Variants in GALNT13 observed in about 807,000 individuals in gnomAD.
GALNT13 encodes polypeptide N-acetylgalactosaminyltransferase 13, also known as UDP-GalNAc:polypeptide N-acetylgalactosaminyltransferase 13.
A neutral mutation model predicts 64.2 loss-of-function variants in GALNT13; 28 were observed. That is an observed-to-expected ratio of 0.44 (90% CI 0.32 to 0.60). GALNT13 has a LOEUF of 0.60. Ranked by LOEUF, GALNT13 falls within the 20% of genes least tolerant of loss-of-function variation. The probability of loss-of-function intolerance (pLI) is 0.05; values close to 1 mark genes in which losing one functional copy is unlikely to be tolerated. For missense variants in GALNT13, 577 were observed against 669.8 expected (o/e 0.86, Z 1.53); for synonymous variants, 214 against 224.6 (o/e 0.95, Z 0.42).
the GALNT13 span, among the ~76,000 whole-genome samples, chr2:153,397,296 A>C: frequency 1.3e-5 from 2 of 152,120 alleles, no homozygotes; most frequent in Non-Finnish European, 2.9e-5. Flanking sequence ...CATAGCATAC[A>C]TGTTCAACCT....
At chr2:153,955,856 C>T (rs1479248663) in intron 3 of GALNT13, among the ~76,000 whole-genome samples, 3 of 152,204 alleles carry the variant, frequency 2.0e-5, no homozygotes, top group Non-Finnish European at 4.4e-5. Context: ...TACAATTCCC[C>T]TGACTTGAAG....
chr2:154,102,476 G>A (rs1702397963), intron 3 of GALNT13, among the ~76,000 whole-genome samples: 1 of 152,016 alleles, frequency 6.6e-6, no homozygotes, highest in African/African-American at 2.4e-5. Flanking sequence ...TAAACATGAG[G>A]ACACAAAGGC....
chr2:153,956,808 C>G (rs1296903375), intron 3 of GALNT13, among the ~76,000 whole-genome samples: 2 of 152,180 alleles, frequency 1.3e-5, no homozygotes, highest in Non-Finnish European at 2.9e-5. Context: ...CACTGGCATT[C>G]TATAGATAAG....
intron 2 of GALNT13, among the ~76,000 whole-genome samples, chr2:153,941,976 G>A (rs1691368509): frequency 6.6e-6 from 1 of 152,066 alleles, no homozygotes; most frequent in South Asian, 2.1e-4. Flanking sequence ...GCAATAATAT[G>A]TAATTTTGAC....
chr2:153,201,905 T>C, the GALNT13 span, among the ~76,000 whole-genome samples: 2 of 151,694 alleles, frequency 1.3e-5, no homozygotes, highest in Non-Finnish European at 2.9e-5. Context: ...CTATACCCTT[T>C]CATGTCAATG....
At chr2:153,136,517 A>G in the GALNT13 span, among the ~76,000 whole-genome samples, 3 of 152,072 alleles carry the variant, frequency 2.0e-5, no homozygotes, top group Admixed American at 2.0e-4. Flanking sequence ...CAGTTAGTAC[A>G]AAACATAACC....
intron 3 of GALNT13, among the ~76,000 whole-genome samples, chr2:154,133,566 A>ATATATATG (rs1485581614): frequency 2.8e-4 from 14 of 49,916 alleles, no homozygotes; most frequent in Admixed American, 1.3e-3. Flanking sequence ...ATATATATAT[A>ATATATATG]TATATATATA....
intron 3 of GALNT13, among the ~76,000 whole-genome samples, chr2:154,021,404 A>G (rs1697480771): frequency 1.3e-5 from 2 of 152,120 alleles, no homozygotes; most frequent in Non-Finnish European, 2.9e-5. Context: ...TTCTCCTTGA[A>G]GAGGTCCTTC....
At chr2:154,342,494 T>C (rs1406303172) in intron 9 of GALNT13, among the ~76,000 whole-genome samples, 1 of 152,074 alleles carries the variant, frequency 6.6e-6, no homozygotes, top group Non-Finnish European at 1.5e-5. Context: ...TGTTTTTTTA[T>C]GGCCTATGAA....
chr2:153,285,031 A>AT, the GALNT13 span, among the ~76,000 whole-genome samples: 20 of 127,340 alleles, frequency 1.6e-4, no homozygotes, highest in Non-Finnish European at 2.3e-4. Context: ...TGGGTAATTT[A>AT]TTTAAAAAAA....
chr2:153,949,366 G>C (rs1692003831), intron 3 of GALNT13, among the ~76,000 whole-genome samples: 1 of 151,922 alleles, frequency 6.6e-6, no homozygotes, highest in Non-Finnish European at 1.5e-5. Flanking sequence ...GAGGACACTG[G>C]ATCTAGAGTA....
chr2:154,118,267 T>C (rs551240982), intron 3 of GALNT13, among the ~76,000 whole-genome samples: 2 of 149,820 alleles, frequency 1.3e-5, no homozygotes, highest in South Asian at 2.1e-4. Context: ...ATCATTATAT[T>C]ATGTCCCTCT....
chr2:153,247,853 A>C, the GALNT13 span, among the ~76,000 whole-genome samples: 1 of 152,212 alleles, frequency 6.6e-6, no homozygotes, highest in East Asian at 1.9e-4. Flanking sequence ...AGAATCGAAT[A>C]GAGACAATAA....
At chr2:153,215,560 T>C in the GALNT13 span, among the ~76,000 whole-genome samples, 2 of 152,084 alleles carry the variant, frequency 1.3e-5, no homozygotes, top group Non-Finnish European at 2.9e-5. Flanking sequence ...TGGATGAAAC[T>C]GAGAGGGCCA....
At chr2:154,208,361 A>G (rs1295091198) in intron 4 of GALNT13, among the ~76,000 whole-genome samples, 1 of 152,214 alleles carries the variant, frequency 6.6e-6, no homozygotes, top group African/African-American at 2.4e-5. Flanking sequence ...GTATACAAAT[A>G]AATATATTTT....
intron 8 of GALNT13, among the ~76,000 whole-genome samples, chr2:154,272,217 G>A (rs574922627): frequency 6.6e-6 from 1 of 151,928 alleles, no homozygotes; most frequent in South Asian, 2.1e-4. Flanking sequence ...GGAAATAAAG[G>A]TACACACAAG....
the GALNT13 span, among the ~76,000 whole-genome samples, chr2:153,409,332 G>GAA: frequency 8.8e-4 from 121 of 137,092 alleles, no homozygotes; most frequent in Middle Eastern, 3.7e-3. Context: ...ATATTCATAT[G>GAA]TATATGTATA....
chr2:154,443,553 C>A (rs544633063), intron 12 of GALNT13, among the ~76,000 whole-genome samples: 13 of 152,004 alleles, frequency 8.6e-5, no homozygotes, highest in Admixed American at 8.5e-4. Context: ...AAACTGAGAC[C>A]TGTGCGATTG....
chr2:154,346,579 G>T (rs1696080571), intron 9 of GALNT13, among the ~76,000 whole-genome samples: 1 of 151,960 alleles, frequency 6.6e-6, no homozygotes, highest in African/African-American at 2.4e-5. Flanking sequence ...ATTTTCCCTT[G>T]TCTGCCACCA....
Sources: allele counts gnomAD v4.1 joint callset (sites outside exome capture counted in the v4.1 genomes callset), GRCh38; gene constraint gnomAD v4.1.1; transcripts MANE v1.5; gene names NCBI Gene and HGNC (gene_info 2026-07-23, HGNC 2026-07-21).